Variants in SPATA6 observed in about 807,000 individuals in gnomAD.
SPATA6 encodes the protein spermatogenesis-associated protein 6.
A neutral mutation model predicts 65.3 loss-of-function variants in SPATA6; 56 were observed. The observed-to-expected ratio is 0.86, with a 90% CI of 0.69 to 1.07. The LOEUF is 1.07. Ranked by LOEUF, SPATA6 falls within the 50% of genes least tolerant of loss-of-function variation. The pLI, the probability that SPATA6 is intolerant of heterozygous loss-of-function variation, is 0.00. For synonymous variants in SPATA6, 199 were observed against 213.2 expected, an observed-to-expected ratio of 0.93 and a Z score of 0.58; for missense variants, 590 against 594.8, an observed-to-expected ratio of 0.99 and a Z score of 0.08.
At chr1:48,399,835 G>C (rs906743133) in intron 6 of SPATA6, among the ~76,000 whole-genome samples, 191 bp from the exon 7 acceptor site, 6 of 151,808 alleles carry the variant, frequency 4.0e-5, no homozygotes, top group African/African-American at 1.5e-4. Context: ...TTCTGCAGTA[G>C]TTATTAAAGT....
At chr1:48,290,075 G>GA in the SPATA6 span, among the ~76,000 whole-genome samples, 3 of 152,170 alleles carry the variant, frequency 2.0e-5, no homozygotes, top group Admixed American at 6.5e-5. Context: ...TGAAATGAAG[G>GA]AAAAAATGTT....
chr1:48,339,801 T>C (rs376546892), intron 11 of SPATA6, among the ~76,000 whole-genome samples: 7 of 151,858 alleles, frequency 4.6e-5, no homozygotes, highest in Admixed American at 3.9e-4. Context: ...ATAGAGGTAA[T>C]TGAACACCCG....
intron 9 of SPATA6, among the ~76,000 whole-genome samples, chr1:48,363,174 T>C (rs1045429299): frequency 6.6e-6 from 1 of 152,134 alleles, no homozygotes; most frequent in African/African-American, 2.4e-5. Context: ...AATAAGGGGT[T>C]ACGAGGTAAA....
At chr1:48,320,074 T>C (rs936177993) in intron 11 of SPATA6, among the ~76,000 whole-genome samples, 7 of 152,158 alleles carry the variant, frequency 4.6e-5, no homozygotes, top group Non-Finnish European at 1.0e-4. Flanking sequence ...CCAGAGGCTG[T>C]TGATGAGCCC....
At chr1:48,465,341 C>T (rs1488700676) in intron 1 of SPATA6, among the ~76,000 whole-genome samples, 4 of 152,090 alleles carry the variant, frequency 2.6e-5, no homozygotes, top group Admixed American at 1.3e-4. Context: ...CTCTGGCCTC[C>T]AGAAATGTGA....
chr1:48,352,555 T>C (rs576846774), intron 11 of SPATA6, among the ~76,000 whole-genome samples: 31 of 151,898 alleles, frequency 2.0e-4, no homozygotes, highest in Non-Finnish European at 2.9e-4. Context: ...TAATGAAAAA[T>C]ATGAATATAG....
chr1:48,277,956 C>T, the SPATA6 span, among the ~76,000 whole-genome samples: 1 of 152,196 alleles, frequency 6.6e-6, no homozygotes, highest in Non-Finnish European at 1.5e-5. Flanking sequence ...TGACACCTCA[C>T]ATGGCCAGGT....
intron 11 of SPATA6, among the ~76,000 whole-genome samples, chr1:48,321,431 G>A (rs1645596029): frequency 6.6e-6 from 1 of 151,996 alleles, no homozygotes; most frequent in Non-Finnish European, 1.5e-5. Context: ...AAAGAGACAA[G>A]TTCACTATAT....
At chr1:48,289,213 T>C in the SPATA6 span, among the ~76,000 whole-genome samples, 1 of 152,240 alleles carries the variant, frequency 6.6e-6, no homozygotes, top group Admixed American at 6.5e-5. Context: ...CAGCCTCCGC[T>C]GGTGATACCC....
chr1:48,279,793 G>C, the SPATA6 span, among the ~76,000 whole-genome samples: 2,484 of 152,188 alleles, frequency 0.016, 31 homozygotes, highest in Middle Eastern at 0.041. Context: ...AGTTAACAAG[G>C]ATACCCAGGA....
intron 11 of SPATA6, among the ~76,000 whole-genome samples, chr1:48,308,852 CT>C (rs1221204778): frequency 2.0e-5 from 3 of 152,068 alleles, no homozygotes; most frequent in Non-Finnish European, 2.9e-5. Context: ...TCCCTTGCTG[CT>C]TTTAAGATTC....
chr1:48,399,737 G>A (rs1292223500), intron 6 of SPATA6, 93 bp from the exon 7 acceptor site: 12 of 1,201,618 alleles, frequency 1.0e-5, no homozygotes, highest in African/African-American at 3.1e-5. Flanking sequence ...TAAATAAGAC[G>A]CAAAATCTAT....
At chr1:48,402,969 C>T (rs559701068) in intron 6 of SPATA6, among the ~76,000 whole-genome samples, 1 of 152,010 alleles carries the variant, frequency 6.6e-6, no homozygotes, top group Non-Finnish European at 1.5e-5. Context: ...GCTTGAGCTC[C>T]AGAGTTCGAG....
chr1:48,294,394 A>C (rs977289630), downstream of SPATA6, among the ~76,000 whole-genome samples: 2 of 152,114 alleles, frequency 1.3e-5, no homozygotes, highest in African/African-American at 2.4e-5. Flanking sequence ...TTATTTTTAA[A>C]AGGGCTGCCC....
At chr1:48,325,754 T>G in intron 11 of SPATA6, 1 of 492,820 alleles carries the variant, frequency 2.0e-6, no homozygotes. Flanking sequence ...GCGCAAGGTG[T>G]ATGCCCCTGT....
chr1:48,278,279 TC>T, the SPATA6 span, among the ~76,000 whole-genome samples: 4 of 152,080 alleles, frequency 2.6e-5, no homozygotes, highest in African/African-American at 9.7e-5. Flanking sequence ...AGAGCGCCTC[TC>T]CTCCTCCAAA....
intron 12 of SPATA6, 97 bp downstream of exon 12, chr1:48,305,690 A>G: frequency 4.7e-6 from 4 of 858,740 alleles, no homozygotes; most frequent in Non-Finnish European, 6.9e-6. Context: ...AATACTAATT[A>G]TCCTTTTGAG....
At chr1:48,451,705 A>AG in intron 2 of SPATA6, 105 bp from the exon 3 acceptor site, 1 of 1,081,884 alleles carries the variant, frequency 9.2e-7, no homozygotes, top group Non-Finnish European at 1.3e-6. Context: ...AACTTTTGAC[A>AG]TTATTGAGAA....
chr1:48,362,864 T>C (rs1312905873), intron 9 of SPATA6, among the ~76,000 whole-genome samples: 1 of 152,088 alleles, frequency 6.6e-6, no homozygotes, highest in East Asian at 1.9e-4. Flanking sequence ...GAGAATATCA[T>C]AGAGGTGGGA....
Sources: gnomAD v4.1 joint callset for allele counts (sites outside exome capture counted in the v4.1 genomes callset) on GRCh38, gnomAD v4.1.1 for gene constraint, MANE v1.5 for transcripts, NCBI Gene and HGNC (gene_info 2026-07-23, HGNC 2026-07-21) for gene names.